MLF2: variants seen among roughly 807,000 people sequenced by gnomAD.
The protein encoded by MLF2 is myelodysplasia-myeloid leukemia factor 2.
Under a neutral mutation model 31.4 loss-of-function variants are expected in MLF2, and 12 were observed. That is an observed-to-expected ratio of 0.38 (90% CI 0.24 to 0.62). The LOEUF (loss-of-function observed/expected upper bound fraction) is 0.62, where lower values mean the gene tolerates loss of function less well. Among genes scored for constraint, MLF2 ranks in the 20% least tolerant of loss-of-function variants. The probability of loss-of-function intolerance (pLI) is 0.58; values close to 1 mark genes in which losing one functional copy is unlikely to be tolerated. For synonymous variants in MLF2, 109 were observed against 118.8 expected (o/e 0.92, Z 0.54); for missense variants, 272 against 359.7 (o/e 0.76, Z 1.97).
rs372529768 is a variant in MLF2, at chr12:6,749,036, C to T, written c.560-54G>A. On this transcript the variant is annotated intron_variant, in intron 7 of 8. Transcript: ENST00000203630. This position sits in a 1 kb window ranked among gnomAD's most constrained non-coding sequence, Gnocchi z 5.3. ...TGTGTGCGGCCTGGCTCCTGGAGGC[C>T]GATGTGCGAGCGAGCCACAGCTTTT... 782 of 1,476,446 alleles carry T rather than the reference C, an allele frequency of 5.3e-4. 1 individual carries two copies. Among genetic ancestry groups the T allele is most frequent in the Middle Eastern group, 8.8e-4 (4 of 4,534 alleles). 91.5% of individuals were successfully genotyped at this position (1,476,446 alleles called of 1,614,324 possible). A position where few individuals can be genotyped will look rare whatever the true frequency, so the allele number is the denominator to read the frequency against.
chr12:6,748,813 G>A lies in MLF2; in HGVS notation c.729C>T (p.Ser243=). The A allele has an allele frequency of 6.5e-7, 1 of 1,541,714 alleles. No individual in the cohort carries two copies. Among genetic ancestry groups the A allele is most frequent in the Non-Finnish European group, 8.7e-7 (1 of 1,152,662 alleles). ...GGGGCCCTCACCAGTCATAGCGGCG[G>A]GACTGTCGGGAAGGGGAGTCCTCAG... The part of the protein sequence containing the change: ...QGPEDSPSRQ[S]RRYDW The change falls in exon 8 of 9, where the codon TCC becomes TCT. Residue 243 remains serine, a synonymous_variant. Coordinates refer to ENST00000203630, the MANE Select transcript of MLF2 (RefSeq NM_001382226.1). This position sits in a 1 kb window ranked among gnomAD's most constrained non-coding sequence, Gnocchi z 4.6.
In MLF2 at chr12:6,748,415, G is replaced by A. The variant is rs528229635; in HGVS notation, c.*158C>T. 8 of 176,294 alleles carry A rather than the reference G, an allele frequency of 4.5e-5. No homozygotes were observed. The highest frequency in any genetic ancestry group is 1.3e-4 in the Admixed American group (2 of 15,898). The allele number at this position is 176,294 out of a possible 1,614,324, so 10.9% of individuals were successfully genotyped here. ...AAGGAAAAGGTAGGGAAAGGGTGCC[G>A]TGAAAGGTTCTCCCTGAGACCCCCA... On this transcript the variant is annotated 3_prime_UTR_variant, in exon 9 of 9. Coordinates refer to ENST00000203630, the MANE Select transcript of MLF2 (RefSeq NM_001382226.1). This position sits in a 1 kb window ranked among gnomAD's most constrained non-coding sequence, Gnocchi z 4.6.
Position 6,748,841 on chromosome 12 carries a change from C to A in MLF2, c.701G>T (p.Gly234Val). ...AEGPPRLAIQGPEDSPSRQSR... is the reference protein window; with the variant it reads ...AEGPPRLAIQVPEDSPSRQSR... ...CTGTCGGGAAGGGGAGTCCTCAGGT[C>A]CCTGGATGGCCAGGCGGGGAGGCCC... The change falls in exon 8 of 9, where the codon GGA becomes GTA. Residue 234 changes from glycine to valine, a missense_variant. Physicochemically the swap from Gly to Val is moderately radical, Grantham distance 109. Coordinates refer to ENST00000203630, the MANE Select transcript of MLF2 (RefSeq NM_001382226.1). This position sits in a 1 kb window ranked among gnomAD's most constrained non-coding sequence, Gnocchi z 4.6. The A allele has an allele frequency of 6.4e-7, 1 of 1,573,920 alleles. No individual in the cohort carries two copies.
In MLF2 at chr12:6,749,636, A is replaced by C. The variant is rs1941579904; in HGVS notation, c.559+212T>G. Among the ~76,000 whole-genome samples the C allele has an allele frequency of 6.6e-6, 1 of 151,214 alleles. No homozygotes were observed. Among genetic ancestry groups the C allele is most frequent in the Non-Finnish European group, 1.5e-5 (1 of 67,858 alleles). ...AGGCTGAGGCAGGAGAATTGCTTAAACCCGGGAGGCGGAGGTTGCAGTGAG... is the reference window on the plus strand; with the variant it reads ...AGGCTGAGGCAGGAGAATTGCTTAACCCCGGGAGGCGGAGGTTGCAGTGAG... On this transcript the variant is annotated intron_variant, in intron 7 of 8. Transcript: ENST00000203630. This position sits in a 1 kb window ranked among gnomAD's most constrained non-coding sequence, Gnocchi z 5.3.
rs1351702172 is a variant in MLF2, at chr12:6,752,987, G to C, written c.-77C>G. On this transcript the variant is annotated 5_prime_UTR_variant, in exon 1 of 9. Transcript: ENST00000203630. The surrounding 1 kb of genome is among the most constrained non-coding windows in gnomAD (Gnocchi z 4.6). ...GCCCATCCGGCCGGTTTCGCTTCCC[G>C]GTACGCTGCAGGGTCAGGGTCGCGG... is the stretch of plus-strand genomic sequence containing the variant. 3.0e-5 allele frequency: 9 copies of C among 301,146 alleles called. No individual in the cohort carries two copies. The highest frequency in any genetic ancestry group is 5.5e-5 in the Non-Finnish European group (9 of 164,250). The allele number at this position is 301,146 out of a possible 1,614,324, so 18.7% of individuals were successfully genotyped here. A position where few individuals can be genotyped will look rare whatever the true frequency, so the allele number is the denominator to read the frequency against.
rs1941633812 is a variant in MLF2 at position 6,752,654 on chromosome 12, C to G, written c.-29+285G>C. On this transcript the variant is annotated intron_variant, in intron 1 of 8. Transcript: ENST00000203630. This position sits in a 1 kb window ranked among gnomAD's most constrained non-coding sequence, Gnocchi z 4.6. The stretch of plus-strand genomic sequence containing the variant: ...GGCCGGTAGCATACTCTCCCCTCCT[C>G]CCGCCGACGACACCGTTCTAGATGA... 3.4e-6 allele frequency: 1 copy of G among 293,194 alleles called. No individual in the cohort carries two copies. The highest frequency in any genetic ancestry group is 6.5e-6 in the Non-Finnish European group (1 of 153,308). 18.2% of individuals were successfully genotyped at this position (293,194 alleles called of 1,614,324 possible). A position where few individuals can be genotyped will look rare whatever the true frequency, so the allele number is the denominator to read the frequency against.
chr12:6,751,999 CAA>C lies in MLF2; in HGVS notation c.104_105del (p.Phe35TrpfsTer3). The stretch of plus-strand genomic sequence containing the variant: ...GTGATGCTGAGGAAGGGGCTATATC[CAA>C]AGCCACCTGACAACATACGGCTCAT... Reference protein sequence around the residue: ...QHMSRMLSGGFGYSPFLSITD... With the variant: ...QHMSRMLSGGXGYSPFLSITD... On this transcript the variant is annotated frameshift_variant, in exon 3 of 9. Coordinates refer to ENST00000203630, the MANE Select transcript of MLF2 (RefSeq NM_001382226.1). LOFTEE classifies it high-confidence loss of function. The C allele has an allele frequency of 6.2e-7, 1 of 1,614,192 alleles. No individual in the cohort carries two copies.
At position 6,748,974 on chromosome 12, in the gene MLF2, C is replaced by A. The variant is rs748230635; in HGVS notation, c.568G>T (p.Ala190Ser). The A allele has an allele frequency of 2.5e-6, 4 of 1,594,442 alleles. No homozygotes were observed. The highest frequency in any genetic ancestry group is 3.4e-6 in the Non-Finnish European group (4 of 1,171,696). The change falls in exon 8 of 9, where the codon GCA (alanine) becomes TCA (serine). Residue 190 changes from alanine (A) to serine (S), a missense_variant. Physicochemically the swap from Ala to Ser is moderately conservative, Grantham distance 99. Transcript: ENST00000203630. The surrounding 1 kb of genome is among the most constrained non-coding windows in gnomAD (Gnocchi z 4.6). Reference protein sequence around the residue: ...DYINLDESEAAAFDDEWRRET... With the variant: ...DYINLDESEASAFDDEWRRET... The stretch of plus-strand genomic sequence containing the variant: ...CGCCGCCACTCGTCATCAAACGCTG[C>A]GGCCTCACCTGGAAAGGACAGAGCG...
In MLF2 at chr12:6,752,242, A is replaced by G; in HGVS notation, c.50+43T>C. 6.4e-7 allele frequency: 1 copy of G among 1,555,146 alleles called. No homozygotes were observed. The highest frequency in any genetic ancestry group is 8.7e-7 in the Non-Finnish European group (1 of 1,147,692). ...ACCCCGATGTCTGCCTGAACTGCTCAGAGACCTGGAGTGGGAGAGCTTGAG... is the reference window on the plus strand; with the variant it reads ...ACCCCGATGTCTGCCTGAACTGCTCGGAGACCTGGAGTGGGAGAGCTTGAG... On this transcript the variant is annotated intron_variant, in intron 2 of 8. Transcript: ENST00000203630. The surrounding 1 kb of genome is among the most constrained non-coding windows in gnomAD (Gnocchi z 4.6).
Position 6,748,354 on chromosome 12 carries a change from A to G in MLF2, c.*219T>C, listed in dbSNP as rs1328436384. The G allele has an allele frequency of 6.4e-6, 1 of 156,118 alleles. No homozygotes were observed. Among genetic ancestry groups the G allele is most frequent in the African/African-American group, 2.4e-5 (1 of 41,590 alleles). The allele number at this position is 156,118 out of a possible 1,614,324, so 9.7% of individuals were successfully genotyped here. A position where few individuals can be genotyped will look rare whatever the true frequency, so the allele number is the denominator to read the frequency against. ...TGAAAAATCAAGTCAGTAGATGCAGAGGCGAAGTCATCAATGGTAAACCAG... is the reference window on the plus strand; with the variant it reads ...TGAAAAATCAAGTCAGTAGATGCAGGGGCGAAGTCATCAATGGTAAACCAG... On this transcript the variant is annotated 3_prime_UTR_variant, in exon 9 of 9. Transcript: ENST00000203630. The surrounding 1 kb of genome is among the most constrained non-coding windows in gnomAD (Gnocchi z 4.6).
In MLF2 at chr12:6,750,468, C is replaced by A; in HGVS notation, c.271-163G>T. On this transcript the variant is annotated intron_variant, in intron 5 of 8. Transcript: ENST00000203630. This position sits in a 1 kb window ranked among gnomAD's most constrained non-coding sequence, Gnocchi z 5.3. ...TTACCCTCCCAAATTCCTCTGAGTCCAACCACGAGCAAGAAGGACCTGAAG... is the reference window on the plus strand; with the variant it reads ...TTACCCTCCCAAATTCCTCTGAGTCAAACCACGAGCAAGAAGGACCTGAAG... 9.9e-7 allele frequency: 1 copy of A among 1,007,204 alleles called. No individual in the cohort carries two copies. Among genetic ancestry groups the A allele is most frequent in the Non-Finnish European group, 1.4e-6 (1 of 696,844 alleles). The allele number at this position is 1,007,204 out of a possible 1,614,324, so 62.4% of individuals were successfully genotyped here.
chr12:6,751,894 T>C, intron 3 of MLF2, 31 bp downstream of exon 3: 5 of 1,611,418 alleles, frequency 3.1e-6, no homozygotes, highest in Non-Finnish European at 4.2e-6. Context: ...CAACCTTTCT[T>C]TGGGTCTCAG....
chr12:6,751,070 A>T (rs1427983684), intron 4 of MLF2: 1 of 378,758 alleles, frequency 2.6e-6, no homozygotes, highest in African/African-American at 2.1e-5. Context: ...CTAAAGAGGT[A>T]AGGCATGAAA....
rs111328278 is a variant in MLF2, at chr12:6,750,535, C to T, written c.270+178G>A. On this transcript the variant is annotated intron_variant, in intron 5 of 8. Transcript: ENST00000203630. The surrounding 1 kb of genome is among the most constrained non-coding windows in gnomAD (Gnocchi z 5.3). ...GTATGCTACGTAAGAGAGCTGCTGC[C>T]GGCTGCTTCAGGCAGGCATGACAGC... 4.0e-5 allele frequency: 36 copies of T among 894,740 alleles called. 1 individual carries two copies. Among genetic ancestry groups the T allele is most frequent in the African/African-American group, 1.5e-4 (9 of 59,620 alleles). 55.4% of individuals were successfully genotyped at this position (894,740 alleles called of 1,614,324 possible). A position where few individuals can be genotyped will look rare whatever the true frequency, so the allele number is the denominator to read the frequency against.
Position 6,752,556 on chromosome 12 carries a change from G to T in MLF2, c.-28-194C>A. Reference sequence around the variant, plus strand: ...CTCTTCAAACCTCTTTCTCAATTAGGGCCATGGAAAATTTTTCCAACCCTC... The same window carrying T: ...CTCTTCAAACCTCTTTCTCAATTAGTGCCATGGAAAATTTTTCCAACCCTC... On this transcript the variant is annotated intron_variant, in intron 1 of 8. Coordinates refer to ENST00000203630, the MANE Select transcript of MLF2 (RefSeq NM_001382226.1). The surrounding 1 kb of genome is among the most constrained non-coding windows in gnomAD (Gnocchi z 4.6). The T allele has an allele frequency of 2.0e-6, 1 of 509,392 alleles. No individual in the cohort carries two copies. 31.6% of individuals were successfully genotyped at this position (509,392 alleles called of 1,614,324 possible). A position where few individuals can be genotyped will look rare whatever the true frequency, so the allele number is the denominator to read the frequency against.
Position 6,752,405 on chromosome 12 carries a change from T to C in MLF2, c.-28-43A>G. 6.7e-6 allele frequency: 10 copies of C among 1,481,638 alleles called. No homozygotes were observed. The highest frequency in any genetic ancestry group is 9.2e-6 in the Non-Finnish European group (10 of 1,085,074). The allele number at this position is 1,481,638 out of a possible 1,614,324, so 91.8% of individuals were successfully genotyped here. A position where few individuals can be genotyped will look rare whatever the true frequency, so the allele number is the denominator to read the frequency against. ...CTCAGATACTTGGAGGTGGCCAGGG[T>C]TTTGCACACCCACTCAGTGTGGGGA... On this transcript the variant is annotated intron_variant, in intron 1 of 8. Coordinates refer to ENST00000203630, the MANE Select transcript of MLF2 (RefSeq NM_001382226.1). The surrounding 1 kb of genome is among the most constrained non-coding windows in gnomAD (Gnocchi z 4.6).
Position 6,748,629 on chromosome 12 carries a change from C to A in MLF2, c.*26-82G>T. ...GAGCCAGGAGTTGGGGTTTAATCCC[C>A]TATGTCAGTGAGAACATTGTTCTCT... On this transcript the variant is annotated intron_variant, in intron 8 of 8. Transcript: ENST00000203630. This position sits in a 1 kb window ranked among gnomAD's most constrained non-coding sequence, Gnocchi z 4.6. 1 of 668,960 alleles carries A rather than the reference C, an allele frequency of 1.5e-6. No homozygotes were observed. 41.4% of individuals were successfully genotyped at this position (668,960 alleles called of 1,614,324 possible). A position where few individuals can be genotyped will look rare whatever the true frequency, so the allele number is the denominator to read the frequency against.
chr12:6,750,141 CTA>C lies in MLF2; in HGVS notation c.399+34_399+35del. On this transcript the variant is annotated intron_variant, in intron 6 of 8. Transcript: ENST00000203630. This position sits in a 1 kb window ranked among gnomAD's most constrained non-coding sequence, Gnocchi z 5.3. ...GGGTTTCTGGCGGTGCCGCTCAATC[CTA>C]CCTTCTCTGGGACAGGAGGGCTCCC... is the stretch of plus-strand genomic sequence containing the variant. The C allele has an allele frequency of 6.2e-7, 1 of 1,614,070 alleles. No homozygotes were observed. The highest frequency in any genetic ancestry group is 1.3e-5 in the African/African-American group (1 of 75,056).
Position 6,749,745 on chromosome 12 carries a change from T to A in MLF2, c.559+103A>T. 2 of 1,414,704 alleles carry A rather than the reference T, an allele frequency of 1.4e-6. No homozygotes were observed. The highest frequency in any genetic ancestry group is 1.9e-6 in the Non-Finnish European group (2 of 1,041,440). The allele number at this position is 1,414,704 out of a possible 1,614,324, so 87.6% of individuals were successfully genotyped here. On this transcript the variant is annotated intron_variant, in intron 7 of 8. Transcript: ENST00000203630. This position sits in a 1 kb window ranked among gnomAD's most constrained non-coding sequence, Gnocchi z 5.3. Reference sequence around the variant, plus strand: ...TCTCAAAAAAAAAAAAAAAGGAATATGGGGCTGACCCAGAGCTTTGCCCCA... The same window carrying A: ...TCTCAAAAAAAAAAAAAAAGGAATAAGGGGCTGACCCAGAGCTTTGCCCCA...
Sources: allele counts gnomAD v4.1 joint callset (sites outside exome capture counted in the v4.1 genomes callset), GRCh38; gene constraint gnomAD v4.1.1; non-coding constraint Gnocchi (gnomAD v3.1); transcripts MANE v1.5; gene names NCBI Gene and HGNC (gene_info 2026-07-23, HGNC 2026-07-21).